Variants in FRY observed in about 807,000 individuals in gnomAD.
FRY encodes the protein protein furry homolog.
Under a neutral mutation model 348.4 loss-of-function variants are expected in FRY, and 128 were observed. The observed-to-expected ratio is 0.37, with a 90% CI of 0.32 to 0.43. The LOEUF (loss-of-function observed/expected upper bound fraction) is 0.43. Among genes scored for constraint, FRY ranks in the 20% least tolerant of loss-of-function variants. The pLI is 1.00. For synonymous variants in FRY, 1,370 were observed against 1,374.7 expected, an observed-to-expected ratio of 1.00 and a Z score of 0.08; for missense variants, 2,736 against 3,695.2, an observed-to-expected ratio of 0.74 and a Z score of 6.73.
chr13:32,184,823 G>C, intron 25 of FRY, 132 bp downstream of exon 25: 1 of 999,042 alleles, frequency 1.0e-6, no homozygotes. Context: ...CCAAAAACTC[G>C]CTTTTTCTTT....
intron 58 of FRY, among the ~76,000 whole-genome samples, chr13:32,283,571 G>C (rs994366920): frequency 6.6e-6 from 1 of 152,216 alleles, no homozygotes; most frequent in African/African-American, 2.4e-5. Context: ...TGAGGGATAT[G>C]TTGGAGGAAA....
chr13:32,104,376 G>A (rs1228931320), intron 3 of FRY, among the ~76,000 whole-genome samples: 3 of 152,204 alleles, frequency 2.0e-5, no homozygotes, highest in Non-Finnish European at 4.4e-5. Context: ...AATGCAGACT[G>A]TTAGCCTGGC....
intron 2 of FRY, among the ~76,000 whole-genome samples, chr13:32,097,866 G>A (rs997480319): frequency 6.6e-5 from 10 of 151,906 alleles, no homozygotes; most frequent in Admixed American, 2.6e-4. Flanking sequence ...ACATTTGAAT[G>A]TACTTAGTGC....
chr13:32,223,190 T>G (rs769455197), intron 36 of FRY, among the ~76,000 whole-genome samples: 19 of 151,894 alleles, frequency 1.3e-4, no homozygotes, highest in Non-Finnish European at 2.2e-4. Context: ...ACTCCTGACC[T>G]CAAGTGATCT....
chr13:32,209,485 A>G, intron 32 of FRY, 100 bp from the exon 33 acceptor site: 1 of 1,141,450 alleles, frequency 8.8e-7, no homozygotes, highest in Non-Finnish European at 1.3e-6. Flanking sequence ...CCTTCTTATG[A>G]TTTTGAGACG....
rs1886989654 is a variant in FRY, at chr13:32,249,828, G to A, written c.7170+141G>A. 64 of 736,196 alleles carry A rather than the reference G, an allele frequency of 8.7e-5. No homozygotes were observed. In the South Asian group the frequency reaches 9.6e-4, roughly 11 times the overall value. The allele number at this position is 736,196 out of a possible 1,614,324, so 45.6% of individuals were successfully genotyped here. ...GCACTTCCAGGGATGGGGTCTTGTG[G>A]CATTCCAAGGAACCCATTTGCTCTT... On this transcript the variant is annotated intron_variant, in intron 49 of 60. Transcript: ENST00000542859.
intron 1 of FRY, among the ~76,000 whole-genome samples, chr13:32,064,933 G>A (rs1375393561): frequency 6.6e-6 from 1 of 152,178 alleles, no homozygotes; most frequent in Non-Finnish European, 1.5e-5. Context: ...CTATGTAAAT[G>A]ACACCTCCAC....
At chr13:32,278,383 AT>A (rs1388713398) in intron 57 of FRY, 81 bp from the exon 58 acceptor site, 32 of 813,080 alleles carry the variant, frequency 3.9e-5, no homozygotes, top group Non-Finnish European at 4.0e-5. Context: ...ACTTTAATGA[AT>A]TTTTTCCTAA....
intron 2 of FRY, among the ~76,000 whole-genome samples, chr13:32,093,304 T>C (rs529126656): frequency 6.6e-6 from 1 of 152,348 alleles, no homozygotes; most frequent in African/African-American, 2.4e-5. Flanking sequence ...GAATGTCATA[T>C]TTTCTTTTAA....
chr13:32,049,402 G>A (rs886421611), intron 1 of FRY, among the ~76,000 whole-genome samples: 3 of 151,998 alleles, frequency 2.0e-5, no homozygotes, highest in Non-Finnish European at 2.9e-5. Context: ...GAAAGGTCTG[G>A]TCTTATTCTG....
intron 53 of FRY, 64 bp from the exon 54 acceptor site, chr13:32,265,386 G>T (rs886126266): frequency 1.4e-6 from 2 of 1,476,498 alleles, no homozygotes. Flanking sequence ...TTCCTTAGTT[G>T]AACAGGTTGT....
chr13:32,237,406 C>A lies in FRY; in HGVS notation c.5838C>A (p.Ser1946Arg). ...CTTCCTCACCAGATTTAAGCTCCAG[C>A]AGTAAACTAACAGCAAGCAGAAAGA... ...SRSSSPDLSSSSKLTASRKST... is the reference protein window; with the variant it reads ...SRSSSPDLSSRSKLTASRKST... Residue 1946 changes from serine (S) to arginine (R), a missense_variant, in exon 44 of 61, where the codon AGC (serine) becomes AGA (arginine). Physicochemically the swap from Ser to Arg is moderately radical, Grantham distance 110. Around this residue, in one of 9 missense-constraint regions of FRY, gnomAD observed 794 missense variants for 977.0 expected, o/e 0.81. Coordinates refer to ENST00000542859, the MANE Select transcript of FRY (RefSeq NM_023037.3). The surrounding 1 kb of genome is among the most constrained non-coding windows in gnomAD (Gnocchi z 6.3). The A allele has an allele frequency of 3.7e-6, 6 of 1,613,958 alleles. No homozygotes were observed. Among genetic ancestry groups the A allele is most frequent in the Non-Finnish European group, 5.1e-6 (6 of 1,179,992 alleles).
intron 2 of FRY, among the ~76,000 whole-genome samples, chr13:32,096,802 C>A (rs78997710): frequency 4.5e-3 from 347 of 77,578 alleles, no homozygotes; most frequent in African/African-American, 8.3e-3. Flanking sequence ...GACTCTGTCT[C>A]AAAAAAAAAA....
rs1226024049 is a variant in FRY, at chr13:32,254,258, T to C, written c.7280T>C (p.Leu2427Pro). ...IFSSCGDLDL[L>P]EHQTSLVSSE... is the part of the protein sequence containing the mutation. ...TCATCGTGTGGGGATCTGGATCTGC[T>C]TGAGCACCAGACAAGCTTGGTATCT... Residue 2427 changes from leucine to proline, a missense_variant, in exon 51 of 61, where the codon CTT becomes CCT. Physicochemically the swap from Leu to Pro is moderately conservative, Grantham distance 98. Coordinates refer to ENST00000542859, the MANE Select transcript of FRY (RefSeq NM_023037.3). 1.2e-6 allele frequency: 2 copies of C among 1,614,132 alleles called. No homozygotes were observed. Among genetic ancestry groups the C allele is most frequent in the Non-Finnish European group, 1.7e-6 (2 of 1,180,018 alleles).
chr13:32,201,638 C>T (rs941536239), intron 29 of FRY, among the ~76,000 whole-genome samples: 1 of 152,040 alleles, frequency 6.6e-6, no homozygotes, highest in Non-Finnish European at 1.5e-5. Context: ...CATTAAAGTC[C>T]GTTTGCATCA....
At chr13:32,268,605 T>G (rs1220527585) in intron 55 of FRY, among the ~76,000 whole-genome samples, 1 of 150,380 alleles carries the variant, frequency 6.6e-6, no homozygotes, top group Non-Finnish European at 1.5e-5. Flanking sequence ...AGAATATCAT[T>G]GTATCTTTTC....
chr13:32,086,264 T>C (rs181087917), intron 2 of FRY, among the ~76,000 whole-genome samples: 1 of 152,326 alleles, frequency 6.6e-6, no homozygotes, highest in Non-Finnish European at 1.5e-5. Context: ...CCCCTCCCTA[T>C]AACTTGACCA....
At chr13:32,274,712 A>C in intron 55 of FRY, 130 bp from the exon 56 acceptor site, 1 of 558,234 alleles carries the variant, frequency 1.8e-6, no homozygotes, top group Non-Finnish European at 3.1e-6. Flanking sequence ...TCAAAAAAAA[A>C]AAAAAAAAAA....
intron 23 of FRY, among the ~76,000 whole-genome samples, chr13:32,181,782 G>A (rs1882729097): frequency 6.6e-6 from 1 of 152,060 alleles, no homozygotes; most frequent in African/African-American, 2.4e-5. Flanking sequence ...TTTCTCAACT[G>A]TAAAATTGGC....
Sources: allele counts gnomAD v4.1 joint callset (sites outside exome capture counted in the v4.1 genomes callset), GRCh38; gene constraint gnomAD v4.1.1; regional missense constraint gnomAD v4.1.1; non-coding constraint Gnocchi (gnomAD v3.1); transcripts MANE v1.5; gene names NCBI Gene and HGNC (gene_info 2026-07-23, HGNC 2026-07-21).